The following BARD1 variants were observed in gnomAD, a reference collection of about 807,000 sequenced individuals.
BARD1 encodes BRCA1-associated RING domain protein 1.
A neutral mutation model predicts 77.0 loss-of-function variants in BARD1; 73 were observed. The observed-to-expected ratio is 0.95, with a 90% CI of 0.79 to 1.15. BARD1 has a LOEUF of 1.15. Among genes scored for constraint, BARD1 ranks in the 50% most tolerant of loss-of-function variants. The pLI, the probability that BARD1 is intolerant of heterozygous loss-of-function variation, is 0.00. For synonymous variants in BARD1, 384 were observed against 338.0 expected, an observed-to-expected ratio of 1.14 and a Z score of -1.49; for missense variants, 993 against 938.8, an observed-to-expected ratio of 1.06 and a Z score of -0.75.
chr2:214,752,158 T>C (rs1693484127), intron 7 of BARD1, among the ~76,000 whole-genome samples: 2 of 152,208 alleles, frequency 1.3e-5, no homozygotes, highest in Admixed American at 1.3e-4. Context: ...GTTTGTCTCT[T>C]TCCTACCTCT....
At chr2:214,808,266 G>A (rs966533471) in intron 1 of BARD1, among the ~76,000 whole-genome samples, 3 of 152,130 alleles carry the variant, frequency 2.0e-5, no homozygotes, top group Admixed American at 2.0e-4. Context: ...AAAATTAGCC[G>A]GGCATGATGG....
chr2:214,796,792 T>G (rs181340368), intron 2 of BARD1: 1 of 454,478 alleles, frequency 2.2e-6, no homozygotes, highest in Non-Finnish European at 4.0e-6. Flanking sequence ...TTGAATTATA[T>G]AAAAGGCATT....
chr2:214,730,356 A>G (rs2105990269), intron 10 of BARD1, 55 bp downstream of exon 10: 4 of 1,474,222 alleles, frequency 2.7e-6, no homozygotes, highest in Non-Finnish European at 3.8e-6. Flanking sequence ...CCTGATGGTG[A>G]TAATAATAGT....
chr2:214,769,974 A>G (rs1305665448), intron 4 of BARD1, among the ~76,000 whole-genome samples: 1 of 152,210 alleles, frequency 6.6e-6, no homozygotes, highest in African/African-American at 2.4e-5. Context: ...ATGGCTTCTG[A>G]GTATTGTTTA....
At chr2:214,794,638 T>C (rs1470591978) in intron 2 of BARD1, among the ~76,000 whole-genome samples, 1 of 152,202 alleles carries the variant, frequency 6.6e-6, no homozygotes, top group Non-Finnish European at 1.5e-5. Context: ...ACACAAAAGC[T>C]CTTTATGGTT....
intron 7 of BARD1, among the ~76,000 whole-genome samples, chr2:214,746,782 G>A (rs568520000): frequency 6.6e-6 from 1 of 152,098 alleles, no homozygotes; most frequent in East Asian, 1.9e-4. Context: ...TACCATTCAG[G>A]ACATAGGCAT....
At chr2:214,742,232 A>G (rs1010246479) in intron 9 of BARD1, among the ~76,000 whole-genome samples, 2 of 152,198 alleles carry the variant, frequency 1.3e-5, no homozygotes, top group Non-Finnish European at 2.9e-5. Flanking sequence ...AAACATTTTT[A>G]AAAATCAAAC....
In BARD1 at chr2:214,728,444, C is replaced by A. The variant is rs529247733; in HGVS notation, c.*232G>T. On this transcript the variant is annotated 3_prime_UTR_variant, in exon 11 of 11. Coordinates refer to ENST00000260947, the MANE Select transcript of BARD1 (RefSeq NM_000465.4). The stretch of plus-strand genomic sequence containing the variant: ...ATCTGAATAGAAAGACATGATAAAT[C>A]AAAAACATGCCAATTTTAAAAAGAA... The A allele has an allele frequency of 3.2e-4, 175 of 541,060 alleles. No homozygotes were observed. The highest frequency in any genetic ancestry group is 4.7e-4 in the Non-Finnish European group (144 of 305,316). The allele number at this position is 541,060 out of a possible 1,614,324, so 33.5% of individuals were successfully genotyped here. A position where few individuals can be genotyped will look rare whatever the true frequency, so the allele number is the denominator to read the frequency against.
At chr2:214,749,453 C>T (rs946741638) in intron 7 of BARD1, among the ~76,000 whole-genome samples, 1 of 152,086 alleles carries the variant, frequency 6.6e-6, no homozygotes, top group Non-Finnish European at 1.5e-5. Context: ...CTCAAAAGGC[C>T]ATGTCTACAT....
intron 9 of BARD1, among the ~76,000 whole-genome samples, chr2:214,738,621 A>G (rs1692671233): frequency 6.6e-6 from 1 of 152,166 alleles, no homozygotes; most frequent in South Asian, 2.1e-4. Flanking sequence ...TACATTTCCT[A>G]TAATAAAAAA....
chr2:214,732,183 C>G lies in BARD1; in HGVS notation c.1904-1675G>C, dbSNP rs561066359. On this transcript the variant is annotated intron_variant, in intron 9 of 10. Transcript: ENST00000260947. ...GTTTTGTCCAGCTGATCCCTACTTA[C>G]TTCAACAGTAAATTGATTCCAACAC... is the stretch of plus-strand genomic sequence containing the variant. 5.1e-4 allele frequency among the ~76,000 whole-genome samples: 77 copies of G among 152,306 alleles called. 1 individual carries two copies. Among genetic ancestry groups the G allele is most frequent in the Admixed American group, 1.8e-3 (28 of 15,286 alleles).
At chr2:214,733,095 G>A (rs1692426977) in intron 9 of BARD1, among the ~76,000 whole-genome samples, 1 of 152,180 alleles carries the variant, frequency 6.6e-6, no homozygotes, top group Non-Finnish European at 1.5e-5. Context: ...GCACAGTCAA[G>A]TGCAGAAACA....
At chr2:214,769,354 AAGAAAGG>A (rs756262965) in intron 4 of BARD1, 42 bp from the exon 5 acceptor site, 1 of 1,486,648 alleles carries the variant, frequency 6.7e-7, no homozygotes, top group Non-Finnish European at 9.4e-7. Flanking sequence ...GCATTAAGGA[AAGAAAGG>A]AAAATATTGA....
At chr2:214,785,334 T>C (rs551966516) in intron 3 of BARD1, among the ~76,000 whole-genome samples, 49 of 152,154 alleles carry the variant, frequency 3.2e-4, no homozygotes, top group Non-Finnish European at 5.9e-4. Context: ...AGTTGTCTTA[T>C]GTTGTTTTTG....
At chr2:214,755,939 CACG>C (rs1693673891) in intron 6 of BARD1, among the ~76,000 whole-genome samples, 2 of 152,156 alleles carry the variant, frequency 1.3e-5, no homozygotes, top group South Asian at 4.1e-4. Context: ...ACATCTAGTA[CACG>C]ACAGTATATT....
intron 2 of BARD1, among the ~76,000 whole-genome samples, chr2:214,795,155 G>A (rs569369966): frequency 6.6e-6 from 1 of 152,280 alleles, no homozygotes; most frequent in East Asian, 1.9e-4. Context: ...AGTGGGGACA[G>A]GGAGTGGGCA....
intron 2 of BARD1, among the ~76,000 whole-genome samples, chr2:214,794,760 C>T (rs535684357): frequency 6.6e-6 from 1 of 152,124 alleles, no homozygotes; most frequent in African/African-American, 2.4e-5. Context: ...TATGTCAAAT[C>T]ATTTTAAAAC....
At chr2:214,730,336 A>G in intron 10 of BARD1, 75 bp downstream of exon 10, 1 of 1,318,296 alleles carries the variant, frequency 7.6e-7, no homozygotes, top group Non-Finnish European at 1.1e-6. Flanking sequence ...TTGAAAGGGC[A>G]GAAGTTCTTC....
intron 9 of BARD1, among the ~76,000 whole-genome samples, chr2:214,739,498 A>G (rs769903886): frequency 5.9e-5 from 9 of 152,166 alleles, no homozygotes; most frequent in Non-Finnish European, 1.0e-4. Context: ...CGAGTAAACT[A>G]TAACAGCACT....
Sources: gnomAD v4.1 joint callset for allele counts (sites outside exome capture counted in the v4.1 genomes callset) on GRCh38, gnomAD v4.1.1 for gene constraint, MANE v1.5 for transcripts, NCBI Gene and HGNC (gene_info 2026-07-23, HGNC 2026-07-21) for gene names.